CAST: variants seen among roughly 807,000 people sequenced by gnomAD.
CAST encodes the protein calpastatin.
In CAST, 76 loss-of-function variants were observed where a neutral mutation model predicts 119.6. The observed-to-expected ratio is 0.64, with a 90% CI of 0.53 to 0.77. CAST has a LOEUF of 0.77. Among genes scored for constraint, CAST ranks in the 30% least tolerant of loss-of-function variants. CAST has a pLI of 0.00. For missense variants in CAST, 953 were observed against 946.5 expected, an observed-to-expected ratio of 1.01 and a Z score of -0.09; for synonymous variants, 319 against 331.6, an observed-to-expected ratio of 0.96 and a Z score of 0.41.
At chr5:96,478,888 T>C in the CAST span, among the ~76,000 whole-genome samples, 1 of 152,148 alleles carries the variant, frequency 6.6e-6, no homozygotes, top group Admixed American at 6.5e-5. Context: ...CTCTTCACTA[T>C]TACATAGGGA....
the CAST span, among the ~76,000 whole-genome samples, chr5:96,071,861 A>G: frequency 0.029 from 4,485 of 152,276 alleles, 234 homozygotes; most frequent in African/African-American, 0.1. Context: ...AAGTGAGTTG[A>G]TATAAATGAA....
chr5:96,658,098 G>GA (rs377392488), upstream of CAST, among the ~76,000 whole-genome samples: 476 of 146,754 alleles, frequency 3.2e-3, 4 homozygotes, highest in African/African-American at 9.5e-3. Context: ...GAGTCCATCT[G>GA]AAAAAAAAAA....
the CAST span, among the ~76,000 whole-genome samples, chr5:96,368,633 G>T: frequency 6.6e-6 from 1 of 152,172 alleles, no homozygotes; most frequent in South Asian, 2.1e-4. Context: ...CTCTCAGCCT[G>T]CTGCAGAGCT....
At chr5:95,972,226 T>C in the CAST span, among the ~76,000 whole-genome samples, 9 of 152,288 alleles carry the variant, frequency 5.9e-5, no homozygotes, top group South Asian at 2.1e-4. Context: ...TGAGCCACTA[T>C]GTTCAGCCAA....
the CAST span, among the ~76,000 whole-genome samples, chr5:96,040,284 G>T: frequency 1.3e-5 from 2 of 152,096 alleles, no homozygotes; most frequent in African/African-American, 4.8e-5. Flanking sequence ...TGGGACGATC[G>T]GGTTTTCTAA....
intron 3 of CAST, among the ~76,000 whole-genome samples, chr5:96,701,781 G>A (rs1382108928): frequency 6.7e-6 from 1 of 149,942 alleles, no homozygotes. Flanking sequence ...CTCCAGCCTG[G>A]GCCACATAGC....
At chr5:96,402,648 C>T in the CAST span, among the ~76,000 whole-genome samples, 3 of 150,894 alleles carry the variant, frequency 2.0e-5, no homozygotes, top group East Asian at 5.8e-4. Flanking sequence ...AGGAACAGGG[C>T]GAGTAAGTGT....
intron 27 of CAST, 91 bp from the exon 28 acceptor site, chr5:96,767,347 A>C: frequency 9.9e-7 from 1 of 1,006,636 alleles, no homozygotes; most frequent in African/African-American, 1.6e-5. Flanking sequence ...TATCCAAGTC[A>C]AGTCATGGGA....
At chr5:96,107,719 A>G in the CAST span, among the ~76,000 whole-genome samples, 28 of 152,192 alleles carry the variant, frequency 1.8e-4, no homozygotes, top group East Asian at 1.2e-3. Context: ...TGCTCTTCTC[A>G]AGGAGTATCT....
chr5:96,730,769 C>T lies in CAST; in HGVS notation c.550-11C>T. 1 of 1,605,284 alleles carries T rather than the reference C, an allele frequency of 6.2e-7. No homozygotes were observed. The highest frequency in any genetic ancestry group is 8.5e-7 in the Non-Finnish European group (1 of 1,171,894). On this transcript the variant is annotated splice_polypyrimidine_tract_variant and intron_variant, in intron 8 of 31. Transcript: ENST00000675179. ...CTTAGCTCTGTCAACCTTTTATCCT[C>T]ACTGTCTTAGACTAAACCACAAGAC...
At chr5:96,697,612 G>C (rs1753458053) in intron 3 of CAST, among the ~76,000 whole-genome samples, 1 of 152,224 alleles carries the variant, frequency 6.6e-6, no homozygotes, top group African/African-American at 2.4e-5. Context: ...TCAAAACTGA[G>C]GTCTGCTCTT....
chr5:96,721,374 T>C (rs909690925), intron 3 of CAST, among the ~76,000 whole-genome samples: 1 of 152,192 alleles, frequency 6.6e-6, no homozygotes, highest in Non-Finnish European at 1.5e-5. Context: ...CTGAGGTTTG[T>C]GGGGAAGGTG....
At chr5:96,601,856 A>T (rs1747160259) in intron 1 of CAST, among the ~76,000 whole-genome samples, 1 of 152,230 alleles carries the variant, frequency 6.6e-6, no homozygotes, top group Non-Finnish European at 1.5e-5. Context: ...GGCATTTGAT[A>T]AGCACCGTAA....
chr5:96,465,679 A>C, the CAST span, among the ~76,000 whole-genome samples: 1 of 152,170 alleles, frequency 6.6e-6, no homozygotes, highest in Non-Finnish European at 1.5e-5. Flanking sequence ...ACCACTGAGC[A>C]GAATGTATGT....
intron 1 of CAST, among the ~76,000 whole-genome samples, chr5:96,645,511 G>C (rs1748003494): frequency 6.6e-6 from 1 of 152,042 alleles, no homozygotes; most frequent in East Asian, 1.9e-4. Flanking sequence ...TCATTTGCAA[G>C]ATTCTCTAAG....
chr5:96,367,371 G>T, the CAST span, among the ~76,000 whole-genome samples: 1 of 110,592 alleles, frequency 9.0e-6, no homozygotes, highest in Non-Finnish European at 2.0e-5. Flanking sequence ...GGACATTTAA[G>T]TCTGCAGAGG....
At chr5:96,738,583 C>T (rs924053590) in intron 11 of CAST, among the ~76,000 whole-genome samples, 2 of 152,006 alleles carry the variant, frequency 1.3e-5, no homozygotes, top group African/African-American at 4.8e-5. Flanking sequence ...ATATTTACCA[C>T]CCTCAGTTTA....
the CAST span, among the ~76,000 whole-genome samples, chr5:96,492,114 G>T: frequency 6.6e-6 from 1 of 152,172 alleles, no homozygotes; most frequent in Non-Finnish European, 1.5e-5. Context: ...CATTTTATTT[G>T]TGTATTTGTC....
chr5:96,394,742 A>G, the CAST span: 1 of 843,884 alleles, frequency 1.2e-6, no homozygotes, highest in Non-Finnish European at 2.1e-6. Context: ...TACCACTATC[A>G]CTTCTTATCC....
Sources: allele counts gnomAD v4.1 joint callset (sites outside exome capture counted in the v4.1 genomes callset), GRCh38; gene constraint gnomAD v4.1.1; transcripts MANE v1.5; gene names NCBI Gene and HGNC (gene_info 2026-07-23, HGNC 2026-07-21).